Variants in RERE observed in about 807,000 individuals in gnomAD.
RERE encodes the protein arginine-glutamic acid dipeptide repeats protein.
A neutral mutation model predicts 146.1 loss-of-function variants in RERE; 40 were observed. That is an observed-to-expected ratio of 0.27 (90% CI 0.21 to 0.36). The LOEUF (loss-of-function observed/expected upper bound fraction) is 0.36. RERE is among the 10% of genes least tolerant of loss of function. RERE has a pLI of 1.00. For synonymous variants in RERE, 1,003 were observed against 866.0 expected (o/e 1.16, Z -2.78); for missense variants, 1,933 against 2,138.7 (o/e 0.90, Z 1.90).
chr1:8,390,848 G>A (rs1209571192), intron 12 of RERE, among the ~76,000 whole-genome samples: 3 of 152,056 alleles, frequency 2.0e-5, no homozygotes, highest in African/African-American at 7.2e-5. Context: ...TGCCAGCGGG[G>A]GGTCCTCCCT....
intron 1 of RERE, among the ~76,000 whole-genome samples, chr1:8,686,873 G>A (rs1040316622): frequency 2.6e-5 from 4 of 152,172 alleles, no homozygotes; most frequent in African/African-American, 9.7e-5. Flanking sequence ...AGACTCGAAA[G>A]CGGGACGGTG....
At chr1:8,793,586 T>C (rs1641409157) in intron 1 of RERE, among the ~76,000 whole-genome samples, 1 of 152,186 alleles carries the variant, frequency 6.6e-6, no homozygotes, top group African/African-American at 2.4e-5. Context: ...GAAGAAACTA[T>C]GCCAAATAAC....
At chr1:8,721,043 G>T (rs567020161) in intron 1 of RERE, among the ~76,000 whole-genome samples, 40 of 152,058 alleles carry the variant, frequency 2.6e-4, no homozygotes, top group Non-Finnish European at 5.3e-4. Context: ...GACAGAGCGA[G>T]ACTCTATCTC....
chr1:8,519,137 T>C (rs746940909), intron 7 of RERE, among the ~76,000 whole-genome samples: 3 of 152,072 alleles, frequency 2.0e-5, no homozygotes, highest in Non-Finnish European at 4.4e-5. Context: ...TCCCAGCACT[T>C]TGGGTGGCCA....
At chr1:8,714,026 G>A (rs1053241937) in intron 1 of RERE, among the ~76,000 whole-genome samples, 8 of 152,150 alleles carry the variant, frequency 5.3e-5, no homozygotes, top group African/African-American at 1.9e-4. Flanking sequence ...GGCTTTTAAA[G>A]GGTAGTGATT....
At chr1:8,783,608 C>T (rs137923027) in intron 1 of RERE, among the ~76,000 whole-genome samples, 1 of 152,058 alleles carries the variant, frequency 6.6e-6, no homozygotes, top group East Asian at 1.9e-4. Flanking sequence ...AGTTTGAGAC[C>T]AGCATGGGCA....
Position 8,817,222 on chromosome 1 carries a change from G to C in RERE, c.-207C>G, listed in dbSNP as rs1641931765. Reference sequence around the variant, plus strand: ...TCGCGGCCCAGCTCCGGGGAAAGTGGCGGGGATGGGGCGGGAGGCCGCGCG... The same window carrying C: ...TCGCGGCCCAGCTCCGGGGAAAGTGCCGGGGATGGGGCGGGAGGCCGCGCG... On this transcript the variant is annotated 5_prime_UTR_variant, in exon 1 of 23. Coordinates refer to ENST00000400908, the MANE Select transcript of RERE (RefSeq NM_001042681.2). The C allele has an allele frequency of 1.3e-5, 2 of 152,576 alleles. No individual in the cohort carries two copies. The highest frequency in any genetic ancestry group is 1.9e-4 in the East Asian group (1 of 5,176). 9.5% of individuals were successfully genotyped at this position (152,576 alleles called of 1,614,324 possible). A position where few individuals can be genotyped will look rare whatever the true frequency, so the allele number is the denominator to read the frequency against.
intron 10 of RERE, among the ~76,000 whole-genome samples, chr1:8,466,366 T>C (rs1644596921): frequency 6.6e-6 from 1 of 152,150 alleles, no homozygotes; most frequent in African/African-American, 2.4e-5. Flanking sequence ...TACTTAATCC[T>C]ATGGGGAAAG....
chr1:8,666,268 G>A (rs1027453286), intron 1 of RERE, among the ~76,000 whole-genome samples: 2 of 152,172 alleles, frequency 1.3e-5, no homozygotes, highest in Non-Finnish European at 2.9e-5. Context: ...TATTCTCTGA[G>A]AGCCTAAGTA....
At chr1:8,601,017 CTTTTTTT>C (rs34455445) in intron 4 of RERE, among the ~76,000 whole-genome samples, 3 of 95,072 alleles carry the variant, frequency 3.2e-5, no homozygotes, top group Admixed American at 1.4e-4. Flanking sequence ...GTCTCCCAAA[CTTTTTTT>C]TTTTTTTTTT....
At chr1:8,422,580 G>C (rs1299010497) in intron 12 of RERE, 147 bp downstream of exon 12, 1 of 594,912 alleles carries the variant, frequency 1.7e-6, no homozygotes, top group South Asian at 2.1e-5. Context: ...TAAAAGTCAA[G>C]GGAGTAAAAC....
At chr1:8,532,889 CT>C (rs759653656) in intron 7 of RERE, among the ~76,000 whole-genome samples, 42 of 152,226 alleles carry the variant, frequency 2.8e-4, no homozygotes, top group Non-Finnish European at 4.9e-4. Context: ...GCCACTGCCC[CT>C]GGCCCTTTTT....
At chr1:8,746,216 T>G (rs1241481102) in intron 1 of RERE, among the ~76,000 whole-genome samples, 2 of 152,216 alleles carry the variant, frequency 1.3e-5, no homozygotes, top group South Asian at 2.1e-4. Context: ...TCAAAGAGAT[T>G]GTATCTATGT....
intron 4 of RERE, among the ~76,000 whole-genome samples, chr1:8,573,551 A>G (rs1369807964): frequency 1.3e-5 from 2 of 152,172 alleles, no homozygotes; most frequent in African/African-American, 4.8e-5. Context: ...TCCTGATAGT[A>G]GACATTTGGG....
chr1:8,468,031 T>G (rs1644625961), intron 10 of RERE, among the ~76,000 whole-genome samples: 2 of 152,224 alleles, frequency 1.3e-5, no homozygotes, highest in African/African-American at 4.8e-5. Flanking sequence ...TAGAGGGCAC[T>G]AATTTATTTT....
At chr1:8,361,956 C>G in intron 16 of RERE, 80 bp from the exon 17 acceptor site, 1 of 1,026,468 alleles carries the variant, frequency 9.7e-7, no homozygotes, top group South Asian at 1.4e-5. Flanking sequence ...TGACGGTTTG[C>G]AGACACTTTG....
At chr1:8,409,299 T>G (rs1398904570) in intron 12 of RERE, among the ~76,000 whole-genome samples, 2 of 152,236 alleles carry the variant, frequency 1.3e-5, no homozygotes, top group South Asian at 4.1e-4. Flanking sequence ...CTTGCTCTCC[T>G]GTCACCCAGC....
At chr1:8,458,712 G>T (rs1397926581) in intron 11 of RERE, among the ~76,000 whole-genome samples, 3 of 152,122 alleles carry the variant, frequency 2.0e-5, no homozygotes, top group Non-Finnish European at 4.4e-5. Context: ...ACTAAGAAAA[G>T]AATAATCTTG....
At chr1:8,587,601 T>A (rs1646441523) in intron 4 of RERE, among the ~76,000 whole-genome samples, 1 of 152,170 alleles carries the variant, frequency 6.6e-6, no homozygotes, top group South Asian at 2.1e-4. Context: ...CTAATCTTTC[T>A]TAAAGAGGAA....
Sources: allele counts gnomAD v4.1 joint callset (sites outside exome capture counted in the v4.1 genomes callset), GRCh38; gene constraint gnomAD v4.1.1; transcripts MANE v1.5; gene names NCBI Gene and HGNC (gene_info 2026-07-23, HGNC 2026-07-21).